The following DENND1A variants were observed in gnomAD, a reference collection of about 807,000 sequenced individuals.
DENND1A encodes the protein DENN domain containing 1A.
DENND1A carries 51 observed loss-of-function variants against 113.7 expected under a neutral mutation model. The observed-to-expected ratio is 0.45, with a 90% CI of 0.36 to 0.57. DENND1A has a LOEUF of 0.57. Among genes scored for constraint, DENND1A ranks in the 20% least tolerant of loss-of-function variants. DENND1A has a pLI of 0.00. For synonymous variants in DENND1A, 565 were observed against 570.8 expected (o/e 0.99, Z 0.14); for missense variants, 1,258 against 1,395.9 (o/e 0.90, Z 1.57).
At chr9:123,401,756 GCA>G in intron 21 of DENND1A, 1 of 1,612,098 alleles carries the variant, frequency 6.2e-7, no homozygotes, top group Non-Finnish European at 8.5e-7. Flanking sequence ...CGGCTCTTTG[GCA>G]CACACTGCGA....
intron 18 of DENND1A, among the ~76,000 whole-genome samples, chr9:123,445,079 G>A (rs1433938661): frequency 2.6e-5 from 4 of 152,192 alleles, no homozygotes; most frequent in African/African-American, 9.7e-5. Context: ...AGTGTTTACT[G>A]GAATCAGAAG....
At chr9:123,643,033 T>G (rs957449349) in intron 9 of DENND1A, among the ~76,000 whole-genome samples, 2 of 152,144 alleles carry the variant, frequency 1.3e-5, no homozygotes, top group Non-Finnish European at 2.9e-5. Context: ...ATGCTGTCGG[T>G]GGGAGTGGTG....
chr9:123,779,456 T>C (rs1228137332), intron 3 of DENND1A, among the ~76,000 whole-genome samples: 1 of 152,228 alleles, frequency 6.6e-6, no homozygotes, highest in Admixed American at 6.5e-5. Context: ...TGTTCACTTC[T>C]GAACTACCTC....
At chr9:123,870,270 CTT>C (rs113651309) in intron 2 of DENND1A, among the ~76,000 whole-genome samples, 3 of 139,334 alleles carry the variant, frequency 2.2e-5, no homozygotes, top group Admixed American at 7.2e-5. Context: ...TATTAATCAG[CTT>C]TTTTTTTTTT....
intron 13 of DENND1A, among the ~76,000 whole-genome samples, chr9:123,488,231 G>A (rs2051058483): frequency 6.6e-6 from 1 of 152,224 alleles, no homozygotes; most frequent in Admixed American, 6.5e-5. Context: ...GTTCAATTGT[G>A]AGACAGTGCT....
At chr9:123,588,886 G>A (rs555505345) in intron 11 of DENND1A, among the ~76,000 whole-genome samples, 34 of 151,358 alleles carry the variant, frequency 2.2e-4, no homozygotes, top group African/African-American at 6.8e-4. Context: ...TTATGCCTCC[G>A]CCTCCTGAGT....
intron 9 of DENND1A, among the ~76,000 whole-genome samples, chr9:123,635,884 C>A (rs981786303): frequency 6.6e-6 from 1 of 152,180 alleles, no homozygotes; most frequent in Non-Finnish European, 1.5e-5. Flanking sequence ...TTGACCTGGG[C>A]AAGCCACTTC....
chr9:123,841,467 A>C (rs1485789863), intron 2 of DENND1A, among the ~76,000 whole-genome samples: 1 of 152,178 alleles, frequency 6.6e-6, no homozygotes, highest in Non-Finnish European at 1.5e-5. Context: ...AAATCTTCTT[A>C]ATATTGAGAT....
chr9:123,760,424 A>T (rs1027895561), intron 4 of DENND1A, among the ~76,000 whole-genome samples: 6 of 152,232 alleles, frequency 3.9e-5, no homozygotes, highest in African/African-American at 1.4e-4. Context: ...GAGAGTGGTT[A>T]GAGAGTACAA....
chr9:123,753,537 C>G (rs2070252733), intron 5 of DENND1A, among the ~76,000 whole-genome samples: 2 of 152,230 alleles, frequency 1.3e-5, no homozygotes, highest in Admixed American at 6.5e-5. Context: ...GTGAACTACA[C>G]TTCTTCCAAC....
At chr9:123,403,318 G>A (rs545553863) in intron 21 of DENND1A, 84 bp downstream of exon 21, 22 of 1,426,748 alleles carry the variant, frequency 1.5e-5, no homozygotes, top group East Asian at 2.4e-5. Context: ...CACAAAGGCC[G>A]GGGCTACACG....
intron 9 of DENND1A, among the ~76,000 whole-genome samples, chr9:123,636,854 G>A (rs953022134): frequency 1.3e-5 from 2 of 151,844 alleles, no homozygotes; most frequent in African/African-American, 4.8e-5. Flanking sequence ...GCGCCACCAT[G>A]CCCAGCTAAT....
chr9:123,390,589 T>G (rs2042789490), intron 21 of DENND1A, among the ~76,000 whole-genome samples: 1 of 152,228 alleles, frequency 6.6e-6, no homozygotes, highest in South Asian at 2.1e-4. Context: ...CACCCATCCA[T>G]CTGTCCATCT....
chr9:123,743,953 G>A (rs2131156358), intron 5 of DENND1A, among the ~76,000 whole-genome samples: 1 of 152,038 alleles, frequency 6.6e-6, no homozygotes, highest in South Asian at 2.1e-4. Context: ...CAAACTTAGT[G>A]GGGAAACACA....
chr9:123,516,186 A>G (rs1245506394), intron 13 of DENND1A, among the ~76,000 whole-genome samples: 1 of 151,686 alleles, frequency 6.6e-6, no homozygotes, highest in Non-Finnish European at 1.5e-5. Context: ...GGTAGAAAAC[A>G]AATGAAACAA....
chr9:123,387,928 C>A (rs761763535), intron 21 of DENND1A, 70 bp from the exon 22 acceptor site: 1 of 1,261,814 alleles, frequency 7.9e-7, no homozygotes, highest in South Asian at 1.3e-5. Flanking sequence ...CACGTGCAGG[C>A]GGGAAGCAGG....
At chr9:123,701,655 C>T (rs1180114845) in intron 5 of DENND1A, among the ~76,000 whole-genome samples, 1 of 152,184 alleles carries the variant, frequency 6.6e-6, no homozygotes, top group African/African-American at 2.4e-5. Context: ...CTATGAATAA[C>T]CCACAGCAAC....
chr9:123,408,409 CG>C (rs1322688177), intron 20 of DENND1A, among the ~76,000 whole-genome samples: 1 of 152,150 alleles, frequency 6.6e-6, no homozygotes, highest in Non-Finnish European at 1.5e-5. Flanking sequence ...AGTGTAAGTT[CG>C]GGGGACATGC....
intron 2 of DENND1A, among the ~76,000 whole-genome samples, chr9:123,820,444 A>T (rs550935229): frequency 1.3e-5 from 2 of 152,322 alleles, no homozygotes; most frequent in East Asian, 3.9e-4. Flanking sequence ...GGACAATGAA[A>T]GGCCCAGACC....
Sources: gnomAD v4.1 joint callset for allele counts (sites outside exome capture counted in the v4.1 genomes callset) on GRCh38, gnomAD v4.1.1 for gene constraint, MANE v1.5 for transcripts, NCBI Gene and HGNC (gene_info 2026-07-23, HGNC 2026-07-21) for gene names.